The following TNFRSF1B variants were observed in gnomAD, a reference collection of about 807,000 sequenced individuals.
TNFRSF1B encodes the protein TNF receptor superfamily member 1B, also known as tumor necrosis factor receptor superfamily member 1B.
Under a neutral mutation model 44.6 loss-of-function variants are expected in TNFRSF1B, and 19 were observed. The ratio of observed to expected loss-of-function variants is 0.43; its 90% confidence interval spans 0.30 to 0.62. TNFRSF1B has a LOEUF of 0.62. TNFRSF1B is among the 20% of genes least tolerant of loss of function. The probability of loss-of-function intolerance (pLI) is 0.16; values close to 1 mark genes in which losing one functional copy is unlikely to be tolerated. For missense variants in TNFRSF1B, 541 were observed against 619.9 expected, an observed-to-expected ratio of 0.87 and a Z score of 1.35; for synonymous variants, 252 against 261.1, an observed-to-expected ratio of 0.97 and a Z score of 0.34.
At position 12,191,933 on chromosome 1, in the gene TNFRSF1B, GGGGCTCA is replaced by G. The variant is rs763467359; in HGVS notation, c.457+13_457+19del. 1.9e-6 allele frequency: 3 copies of G among 1,606,470 alleles called. No homozygotes were observed. The African/African-American group carries it at 4.0e-5, about 21-fold the overall frequency. ...GGCGTGGCCAGACCAGGTACGGGGT[GGGGCTCA>G]GGTCCTTGGGGACGCCCATGGGCCT... On this transcript the variant is annotated intron_variant, in intron 4 of 9. Transcript: ENST00000376259.
In TNFRSF1B at chr1:12,171,620, C is replaced by T. The variant is rs947268703; in HGVS notation, c.78+4451C>T. 2.6e-5 allele frequency among the ~76,000 whole-genome samples: 4 copies of T among 152,232 alleles called. No individual in the cohort carries two copies. Among genetic ancestry groups the T allele is most frequent in the Non-Finnish European group, 5.9e-5 (4 of 68,050 alleles). ...ACCGTGAGGACAGGGACTCATTCAC[C>T]ACTGTAGACTCTAGCCTAGAAGAGG... On this transcript the variant is annotated intron_variant, in intron 1 of 9. Coordinates refer to ENST00000376259, the MANE Select transcript of TNFRSF1B (RefSeq NM_001066.3). This position sits in a 1 kb window ranked among gnomAD's most constrained non-coding sequence, Gnocchi z 4.5.
chr1:12,204,613 T>C (rs1280709184), intron 9 of TNFRSF1B, among the ~76,000 whole-genome samples: 2 of 152,092 alleles, frequency 1.3e-5, no homozygotes, highest in African/African-American at 4.8e-5. Flanking sequence ...GTCCAGTGCC[T>C]CCCCAACCAG....
chr1:12,189,021 T>C (rs1639051594), intron 2 of TNFRSF1B, 126 bp downstream of exon 2: 1 of 737,134 alleles, frequency 1.4e-6, no homozygotes, highest in East Asian at 3.0e-5. Context: ...TGGCCCATGC[T>C]CCCTGCTGCT....
intron 8 of TNFRSF1B, 87 bp from the exon 9 acceptor site, chr1:12,201,880 G>A: frequency 1.4e-6 from 2 of 1,477,794 alleles, no homozygotes; most frequent in Non-Finnish European, 1.8e-6. Flanking sequence ...GATGGCAGGA[G>A]GTGTGGATGG....
chr1:12,196,712 G>A (rs1395117329), intron 8 of TNFRSF1B, among the ~76,000 whole-genome samples: 1 of 152,240 alleles, frequency 6.6e-6, no homozygotes, highest in Non-Finnish European at 1.5e-5. Context: ...CAGTGGGGAG[G>A]AAATTTTCTC....
chr1:12,171,562 A>C lies in TNFRSF1B; in HGVS notation c.78+4393A>C, dbSNP rs1224871169. On this transcript the variant is annotated intron_variant, in intron 1 of 9. Transcript: ENST00000376259. The surrounding 1 kb of genome is among the most constrained non-coding windows in gnomAD (Gnocchi z 4.5). ...GCTCTTGACCTATTCTATTTATTTC[A>C]CTTTTATTATGTCTTCCCACAAGAT... Among the ~76,000 whole-genome samples, 1 of 151,928 alleles carries C rather than the reference A, an allele frequency of 6.6e-6. No homozygotes were observed. Among genetic ancestry groups the C allele is most frequent in the Non-Finnish European group, 1.5e-5 (1 of 67,978 alleles).
At chr1:12,203,538 T>C (rs1639437305) in intron 9 of TNFRSF1B, among the ~76,000 whole-genome samples, 1 of 152,138 alleles carries the variant, frequency 6.6e-6, no homozygotes, top group Admixed American at 6.5e-5. Context: ...TGCCCCATCA[T>C]AGCCCCCAGC....
chr1:12,183,975 T>C (rs2101094986), intron 1 of TNFRSF1B, among the ~76,000 whole-genome samples: 1 of 152,332 alleles, frequency 6.6e-6, no homozygotes, highest in African/African-American at 2.4e-5. Flanking sequence ...ATTTTTCACT[T>C]GAGGCCCCCA....
rs1638996891 is a variant in TNFRSF1B at position 12,186,764 on chromosome 1, C to T, written c.79-2032C>T. Among the ~76,000 whole-genome samples, 1 of 152,220 alleles carries T rather than the reference C, an allele frequency of 6.6e-6. No homozygotes were observed. The highest frequency in any genetic ancestry group is 1.5e-5 in the Non-Finnish European group (1 of 68,042). The stretch of plus-strand genomic sequence containing the variant: ...CCCTGGCTCTGACCTCCTAGAACTG[C>T]CCTTTGTTCATTTCCAGGTGACGCA... On this transcript the variant is annotated intron_variant, in intron 1 of 9. Coordinates refer to ENST00000376259, the MANE Select transcript of TNFRSF1B (RefSeq NM_001066.3). This position sits in a 1 kb window ranked among gnomAD's most constrained non-coding sequence, Gnocchi z 4.8.
At chr1:12,202,979 C>T (rs1433528524) in intron 9 of TNFRSF1B, among the ~76,000 whole-genome samples, 1 of 152,194 alleles carries the variant, frequency 6.6e-6, no homozygotes, top group African/African-American at 2.4e-5. Context: ...GGGATTGTGT[C>T]CCATTTATGC....
intron 8 of TNFRSF1B, among the ~76,000 whole-genome samples, chr1:12,195,220 A>G (rs1489032410): frequency 6.6e-6 from 1 of 152,228 alleles, no homozygotes; most frequent in Non-Finnish European, 1.5e-5. Flanking sequence ...TTTGTTAGAG[A>G]CAGACCAACA....
Position 12,209,005 on chromosome 1 carries a change from A to C in TNFRSF1B, c.*1985A>C, listed in dbSNP as rs544078863. 1 of 152,352 alleles carries C rather than the reference A, an allele frequency of 6.6e-6. No homozygotes were observed. Among genetic ancestry groups the C allele is most frequent in the East Asian group, 1.9e-4 (1 of 5,184 alleles). The allele number at this position is 152,352 out of a possible 1,614,324, so 9.4% of individuals were successfully genotyped here. A position where few individuals can be genotyped will look rare whatever the true frequency, so the allele number is the denominator to read the frequency against. On this transcript the variant is annotated 3_prime_UTR_variant, in exon 10 of 10. Transcript: ENST00000376259. ...CCAGGTTTCTGCCCACATTGGACCCACATGAGGACATGATGGAGCGCACCT... is the reference window on the plus strand; with the variant it reads ...CCAGGTTTCTGCCCACATTGGACCCCCATGAGGACATGATGGAGCGCACCT...
Position 12,187,886 on chromosome 1 carries a change from G to T in TNFRSF1B, c.79-910G>T, listed in dbSNP as rs5745999. 0.011 allele frequency among the ~76,000 whole-genome samples: 1,720 copies of T among 152,316 alleles called. 38 individuals are homozygous for T. The highest frequency in any genetic ancestry group is 0.039 in the African/African-American group (1,618 of 41,548). On this transcript the variant is annotated intron_variant, in intron 1 of 9. Coordinates refer to ENST00000376259, the MANE Select transcript of TNFRSF1B (RefSeq NM_001066.3). This position sits in a 1 kb window ranked among gnomAD's most constrained non-coding sequence, Gnocchi z 5.5. ...TGGCTCTGGACCATGAATTGTACCA[G>T]GGTGGGTCCCACCTTGAGGCTGTGG...
At chr1:12,167,749 C>G (rs1409868135) in intron 1 of TNFRSF1B, among the ~76,000 whole-genome samples, 7 of 152,224 alleles carry the variant, frequency 4.6e-5, no homozygotes, top group Non-Finnish European at 1.0e-4. Context: ...AGCTGCCTGT[C>G]TGCTTCCTCC....
intron 3 of TNFRSF1B, among the ~76,000 whole-genome samples, chr1:12,191,498 T>C (rs1432779129): frequency 1.3e-5 from 2 of 151,098 alleles, no homozygotes; most frequent in African/African-American, 4.9e-5. Flanking sequence ...GGAGCGGGAC[T>C]TCGGGGAGGA....
intron 1 of TNFRSF1B, chr1:12,167,498 G>A (rs987055082): frequency 6.9e-6 from 3 of 433,994 alleles, no homozygotes; most frequent in Non-Finnish European, 1.3e-5. Flanking sequence ...GCAGACCCCC[G>A]CTAGACCCGG....
At chr1:12,201,342 T>G (rs1639387136) in intron 8 of TNFRSF1B, among the ~76,000 whole-genome samples, 1 of 152,052 alleles carries the variant, frequency 6.6e-6, no homozygotes, top group African/African-American at 2.4e-5. Flanking sequence ...TTTGCCTAGT[T>G]CTGATTTAAC....
At chr1:12,174,847 G>A (rs1253275488) in intron 1 of TNFRSF1B, among the ~76,000 whole-genome samples, 1 of 152,256 alleles carries the variant, frequency 6.6e-6, no homozygotes, top group Non-Finnish European at 1.5e-5. Flanking sequence ...TCCTTGAGAG[G>A]CCTAGCAGAT....
At position 12,202,074 on chromosome 1, in the gene TNFRSF1B, T is replaced by C. The variant is rs1180446963; in HGVS notation, c.1008T>C (p.Ser336=). Reference sequence around the variant, plus strand: ...GCAGCTCCCTGGAGAGCTCGGCCAGTGCGTTGGACAGAAGGGCGCCCACTC... The same window carrying C: ...GCAGCTCCCTGGAGAGCTCGGCCAGCGCGTTGGACAGAAGGGCGCCCACTC... ...SSSSSLESSA[S]ALDRRAPTRN... is the part of the protein sequence containing the mutation. Residue 336 remains serine (S), a synonymous_variant, in exon 9 of 10, where the codon AGT becomes AGC. Coordinates refer to ENST00000376259, the MANE Select transcript of TNFRSF1B (RefSeq NM_001066.3). 1.9e-6 allele frequency: 3 copies of C among 1,597,548 alleles called. No individual in the cohort carries two copies. The highest frequency in any genetic ancestry group is 1.7e-4 in the Middle Eastern group (1 of 6,052).
Sources: gnomAD v4.1 joint callset for allele counts (sites outside exome capture counted in the v4.1 genomes callset) on GRCh38, gnomAD v4.1.1 for gene constraint, Gnocchi (gnomAD v3.1) non-coding constraint, MANE v1.5 for transcripts, NCBI Gene and HGNC (gene_info 2026-07-23, HGNC 2026-07-21) for gene names.